The following NR5A2 variants were observed in gnomAD, a reference collection of about 807,000 sequenced individuals.
NR5A2 encodes the protein nuclear receptor subfamily 5 group A member 2, also known as CYP7A promoter-binding factor.
NR5A2 carries 26 observed loss-of-function variants against 62.7 expected under a neutral mutation model. That is an observed-to-expected ratio of 0.41 (90% CI 0.30 to 0.58). The LOEUF is 0.58. Among genes scored for constraint, NR5A2 ranks in the 20% least tolerant of loss-of-function variants. The pLI is 0.22. For synonymous variants in NR5A2, 246 were observed against 241.7 expected (o/e 1.02, Z -0.16); for missense variants, 541 against 669.1 (o/e 0.81, Z 2.11).
rs1374626867 is a variant in NR5A2 at position 200,176,299 on chromosome 1, TTTA to T, written c.*2094_*2096del. On this transcript the variant is annotated 3_prime_UTR_variant, in exon 8 of 8. Coordinates refer to ENST00000367362, the MANE Select transcript of NR5A2 (RefSeq NM_205860.3). ...CTTCTGTGTGTACAAAGAGGATTAT[TTTA>T]TTATGTTTATTAATCACCTCTAATA... is the stretch of plus-strand genomic sequence containing the variant. 6.6e-6 allele frequency: 1 copy of T among 152,634 alleles called. No individual in the cohort carries two copies. The highest frequency in any genetic ancestry group is 1.5e-5 in the Non-Finnish European group (1 of 68,038). 9.5% of individuals were successfully genotyped at this position (152,634 alleles called of 1,614,324 possible).
chr1:200,038,607 G>A (rs1661892977), intron 1 of NR5A2: 1 of 788,208 alleles, frequency 1.3e-6, no homozygotes, highest in South Asian at 1.4e-5. Context: ...AATGGTTTAA[G>A]TGGGTGTTTA....
rs1666792039 is a variant in NR5A2 at position 200,127,744 on chromosome 1, A to C, written c.1378+6789A>C. Among the ~76,000 whole-genome samples the C allele has an allele frequency of 2.3e-5, 3 of 132,282 alleles. 1 individual carries two copies. The highest frequency in any genetic ancestry group is 8.1e-5 in the Admixed American group (1 of 12,398). 86.8% of individuals were successfully genotyped at this position (132,282 alleles called of 152,430 possible). ...TATATATATATATGGTATCCATCAG[A>C]TGCAAAATCCACATATACAGAGGGC... On this transcript the variant is annotated intron_variant, in intron 7 of 7. Transcript: ENST00000367362.
chr1:200,077,362 C>T lies in NR5A2; in HGVS notation c.1110+28544C>T, dbSNP rs149094995. Among the ~76,000 whole-genome samples, 605 of 152,328 alleles carry T rather than the reference C, an allele frequency of 4.0e-3. 4 individuals carry two copies. The highest frequency in any genetic ancestry group is 0.014 in the African/African-American group (580 of 41,582). On this transcript the variant is annotated intron_variant, in intron 5 of 7. Transcript: ENST00000367362. ...AGTTTCAGTAACTCATTTTCACTAG[C>T]TAATGTTTAATAAATTGTATTAGGT...
At chr1:200,141,912 G>A (rs1458130551) in intron 7 of NR5A2, among the ~76,000 whole-genome samples, 6 of 152,094 alleles carry the variant, frequency 3.9e-5, no homozygotes, top group Admixed American at 3.9e-4. Flanking sequence ...ACTACAAGGT[G>A]TCTGAGTATA....
chr1:200,085,652 A>G (rs1397099716), intron 5 of NR5A2, among the ~76,000 whole-genome samples: 1 of 147,252 alleles, frequency 6.8e-6, no homozygotes, highest in African/African-American at 2.6e-5. Flanking sequence ...AACAGAATGA[A>G]GACCTATCTC....
intron 7 of NR5A2, among the ~76,000 whole-genome samples, chr1:200,123,968 A>AT (rs1214203242): frequency 1.3e-5 from 2 of 151,410 alleles, no homozygotes. Flanking sequence ...CACCTGGCTA[A>AT]TTTTTTTGTA....
At chr1:200,083,585 A>G (rs1015089766) in intron 5 of NR5A2, among the ~76,000 whole-genome samples, 8 of 152,234 alleles carry the variant, frequency 5.3e-5, no homozygotes, top group Admixed American at 1.3e-4. Flanking sequence ...ACTAAGCAAT[A>G]TGAACTCTCC....
chr1:200,028,717 C>T (rs1661438918), intron 1 of NR5A2, among the ~76,000 whole-genome samples: 1 of 151,250 alleles, frequency 6.6e-6, no homozygotes, highest in African/African-American at 2.5e-5. Flanking sequence ...AGGACCTGTG[C>T]CTTTTCTGGC....
chr1:200,114,193 A>C (rs1666102920), intron 6 of NR5A2, among the ~76,000 whole-genome samples: 1 of 150,648 alleles, frequency 6.6e-6, no homozygotes, highest in Non-Finnish European at 1.5e-5. Context: ...AAAAAAAATA[A>C]TAGAAAAGAG....
chr1:200,151,215 G>A (rs116069048), intron 7 of NR5A2, among the ~76,000 whole-genome samples: 4,099 of 152,248 alleles, frequency 0.027, 192 homozygotes, highest in African/African-American at 0.094. Flanking sequence ...TTTTAGCATC[G>A]TTCTGGGCAG....
intron 7 of NR5A2, among the ~76,000 whole-genome samples, chr1:200,172,962 A>AT (rs1454405723): frequency 6.6e-6 from 1 of 152,040 alleles, no homozygotes; most frequent in Admixed American, 6.6e-5. Context: ...GTATCTGTCT[A>AT]TTTTTTCCAG....
chr1:200,171,990 A>C (rs7530539), intron 7 of NR5A2, among the ~76,000 whole-genome samples: 9,624 of 152,266 alleles, frequency 0.063, 790 homozygotes, highest in African/African-American at 0.19. Flanking sequence ...CTTTCTAAAA[A>C]GGGTATTCTT....
At chr1:200,153,844 G>C (rs1330572334) in intron 7 of NR5A2, among the ~76,000 whole-genome samples, 1 of 151,950 alleles carries the variant, frequency 6.6e-6, no homozygotes, top group Admixed American at 6.6e-5. Context: ...AAGAGAAGTA[G>C]ATAGAAAATC....
chr1:200,149,648 G>A (rs778269876), intron 7 of NR5A2, among the ~76,000 whole-genome samples: 1 of 152,158 alleles, frequency 6.6e-6, no homozygotes, highest in South Asian at 2.1e-4. Flanking sequence ...GAGGCCAATT[G>A]TAGGCGGTAA....
chr1:200,070,256 G>T (rs747866598), intron 5 of NR5A2, among the ~76,000 whole-genome samples: 1 of 152,132 alleles, frequency 6.6e-6, no homozygotes, highest in Non-Finnish European at 1.5e-5. Flanking sequence ...GTGGGCTTCG[G>T]CTTTCTCGGT....
chr1:200,151,652 G>T (rs1012275564), intron 7 of NR5A2, among the ~76,000 whole-genome samples: 1 of 152,192 alleles, frequency 6.6e-6, no homozygotes, highest in Non-Finnish European at 1.5e-5. Context: ...CAAAGGGAAT[G>T]GACAGGAGGC....
At chr1:200,056,325 T>C (rs1184494236) in intron 5 of NR5A2, among the ~76,000 whole-genome samples, 1 of 152,230 alleles carries the variant, frequency 6.6e-6, no homozygotes, top group East Asian at 1.9e-4. Flanking sequence ...TATTGTTCTT[T>C]ACTGGGATAT....
intron 7 of NR5A2, among the ~76,000 whole-genome samples, chr1:200,133,215 A>G (rs1667043826): frequency 1.3e-5 from 2 of 152,134 alleles, no homozygotes; most frequent in Admixed American, 1.3e-4. Context: ...TGGGGAATGT[A>G]CATTGCCTTT....
At chr1:200,036,565 AGAGCTACCT>A (rs1170365662) in intron 1 of NR5A2, among the ~76,000 whole-genome samples, 1 of 152,208 alleles carries the variant, frequency 6.6e-6, no homozygotes, top group African/African-American at 2.4e-5. Flanking sequence ...AATCCCTTGC[AGAGCTACCT>A]GAGGAAGGTT....
Sources: allele counts gnomAD v4.1 joint callset (sites outside exome capture counted in the v4.1 genomes callset), GRCh38; gene constraint gnomAD v4.1.1; transcripts MANE v1.5; gene names NCBI Gene and HGNC (gene_info 2026-07-23, HGNC 2026-07-21).